Variants in SLC22A25 observed in about 807,000 individuals in gnomAD.
SLC22A25 encodes the protein solute carrier family 22 member 25.
SLC22A25 carries 44 observed loss-of-function variants against 45.9 expected under a neutral mutation model. The observed-to-expected ratio is 0.96, with a 90% CI of 0.75 to 1.23. The LOEUF is 1.23. SLC22A25 is among the 50% of genes most tolerant of loss of function. SLC22A25 has a pLI of 0.00. For synonymous variants in SLC22A25, 283 were observed against 238.6 expected (o/e 1.19, Z -1.72); for missense variants, 800 against 666.4 (o/e 1.20, Z -2.21).
At chr11:63,208,677 A>G (rs1248026623) in intron 7 of SLC22A25, among the ~76,000 whole-genome samples, 1 of 152,092 alleles carries the variant, frequency 6.6e-6, no homozygotes, top group Non-Finnish European at 1.5e-5. Flanking sequence ...TGTGTGAAAG[A>G]GACAGTGTTG....
At chr11:63,241,384 T>C (rs1326404865) in intron 1 of SLC22A25, among the ~76,000 whole-genome samples, 1 of 152,106 alleles carries the variant, frequency 6.6e-6, no homozygotes, top group Admixed American at 6.5e-5. Context: ...GGTTAGTGCT[T>C]CTCTCCTTCT....
chr11:63,208,956 A>G (rs1300799), intron 7 of SLC22A25, among the ~76,000 whole-genome samples: 151,781 of 152,260 alleles, frequency 1, 75,654 homozygotes, highest in Middle Eastern at 1. Flanking sequence ...GGAAAGTGTC[A>G]AAACCAACTC....
intron 8 of SLC22A25, 99 bp from the exon 9 acceptor site, chr11:63,180,874 C>T (rs952365571): frequency 6.2e-5 from 47 of 755,116 alleles, no homozygotes; most frequent in Non-Finnish European, 9.5e-5. Context: ...TAGATGACAT[C>T]CCTTTCTGTC....
chr11:63,187,367 A>T (rs1385479274), intron 7 of SLC22A25, among the ~76,000 whole-genome samples: 1 of 152,096 alleles, frequency 6.6e-6, no homozygotes. Flanking sequence ...GGTGTATAAG[A>T]ATGCTTGTGA....
At chr11:63,215,914 C>T (rs899096869) in intron 7 of SLC22A25, among the ~76,000 whole-genome samples, 1 of 152,156 alleles carries the variant, frequency 6.6e-6, no homozygotes, top group Non-Finnish European at 1.5e-5. Context: ...TGATACCCTC[C>T]AGCTCCATCC....
At chr11:63,240,557 T>A (rs1439521215) in intron 1 of SLC22A25, among the ~76,000 whole-genome samples, 1 of 152,230 alleles carries the variant, frequency 6.6e-6, no homozygotes, top group Non-Finnish European at 1.5e-5. Flanking sequence ...AACTTTTGAC[T>A]CTTTTGTAAT....
intron 7 of SLC22A25, among the ~76,000 whole-genome samples, chr11:63,190,155 C>T (rs149811448): frequency 0.11 from 16,977 of 152,238 alleles, 1,217 homozygotes; most frequent in Middle Eastern, 0.16. Context: ...AACTTCATTC[C>T]ATTCTGCCCA....
rs2087585800 is a variant in SLC22A25 at position 63,163,904 on chromosome 11, G to A, written c.1564C>T (p.Pro522Ser). The A allele has an allele frequency of 2.5e-6, 4 of 1,613,938 alleles. No homozygotes were observed. The highest frequency in any genetic ancestry group is 3.4e-6 in the Non-Finnish European group (4 of 1,179,916). The change falls in exon 12 of 12, where the codon CCT becomes TCT. Residue 522 changes from proline to serine, a missense_variant. Transcript: ENST00000306494. ...ACATCCTGGATGCTGTCAAGAAGAGGCTGGTTCCTGGTTTCAGGAAGGAGG... is the reference window on the plus strand; with the variant it reads ...ACATCCTGGATGCTGTCAAGAAGAGACTGGTTCCTGGTTTCAGGAAGGAGG... The part of the protein sequence containing the change: ...VLLLPETRNQ[P>S]LLDSIQDVEN...
chr11:63,224,626 G>T (rs1325934902), intron 5 of SLC22A25, among the ~76,000 whole-genome samples: 1 of 152,050 alleles, frequency 6.6e-6, no homozygotes, highest in African/African-American at 2.4e-5. Flanking sequence ...AGGTTACCAT[G>T]AGGCCTACAA....
chr11:63,168,995 G>A (rs187695940), intron 9 of SLC22A25, among the ~76,000 whole-genome samples: 32 of 152,298 alleles, frequency 2.1e-4, no homozygotes, highest in African/African-American at 7.7e-4. Context: ...CAATCCAGAA[G>A]AGAGTGAATG....
intron 5 of SLC22A25, among the ~76,000 whole-genome samples, chr11:63,226,077 A>C (rs2089956349): frequency 6.6e-6 from 1 of 151,992 alleles, no homozygotes. Flanking sequence ...ATTTTTTCTC[A>C]ATACCATTAT....
At chr11:63,202,746 G>A (rs1246446981) in intron 7 of SLC22A25, among the ~76,000 whole-genome samples, 1 of 152,214 alleles carries the variant, frequency 6.6e-6, no homozygotes, top group Non-Finnish European at 1.5e-5. Context: ...AGACTTAAAC[G>A]TTCCTGCTTG....
intron 3 of SLC22A25, among the ~76,000 whole-genome samples, chr11:63,237,351 G>A (rs868495239): frequency 1.3e-5 from 2 of 152,296 alleles, no homozygotes; most frequent in Middle Eastern, 6.8e-3. Context: ...TTTAAGAGGT[G>A]AATAGGTTCA....
chr11:63,205,270 A>G (rs1292668983), intron 7 of SLC22A25, among the ~76,000 whole-genome samples: 1 of 152,166 alleles, frequency 6.6e-6, no homozygotes, highest in Non-Finnish European at 1.5e-5. Context: ...GTAAGAGTAA[A>G]CAAATTCAAA....
chr11:63,196,821 T>A (rs970779198), intron 7 of SLC22A25, among the ~76,000 whole-genome samples: 1 of 152,210 alleles, frequency 6.6e-6, no homozygotes, highest in Non-Finnish European at 1.5e-5. Flanking sequence ...AAATTGTCCC[T>A]GTTTGCAGAT....
chr11:63,241,627 A>G (rs773561005), intron 1 of SLC22A25, among the ~76,000 whole-genome samples: 4 of 152,184 alleles, frequency 2.6e-5, no homozygotes, highest in Non-Finnish European at 4.4e-5. Context: ...AGCTCAATGC[A>G]TTGAGAGGGT....
chr11:63,172,888 A>G (rs2087940628), intron 9 of SLC22A25, among the ~76,000 whole-genome samples: 1 of 152,126 alleles, frequency 6.6e-6, no homozygotes. Flanking sequence ...AAAGGATTAG[A>G]AATCATTCTA....
intron 3 of SLC22A25, among the ~76,000 whole-genome samples, chr11:63,234,562 G>A (rs2090129929): frequency 6.6e-6 from 1 of 152,174 alleles, no homozygotes; most frequent in Non-Finnish European, 1.5e-5. Flanking sequence ...CCTGAATACA[G>A]CACACTGATG....
Position 63,238,806 on chromosome 11 carries a change from T to A in SLC22A25, c.-666A>T, listed in dbSNP as rs2090204403. The A allele has an allele frequency of 1.6e-5, 4 of 246,204 alleles. No homozygotes were observed. The highest frequency in any genetic ancestry group is 3.5e-5 in the Non-Finnish European group (4 of 115,722). 15.3% of individuals were successfully genotyped at this position (246,204 alleles called of 1,614,324 possible). On this transcript the variant is annotated 5_prime_UTR_variant, in exon 2 of 12. Transcript: ENST00000306494. ...TGTCTGGTTCATTCATATTGAGGAA[T>A]GTCCCATTCAGGTGAAGGAGCTGCC...
Sources: gnomAD v4.1 joint callset for allele counts (sites outside exome capture counted in the v4.1 genomes callset) on GRCh38, gnomAD v4.1.1 for gene constraint, MANE v1.5 for transcripts, NCBI Gene and HGNC (gene_info 2026-07-23, HGNC 2026-07-21) for gene names.